CENPE: variants seen among roughly 807,000 people sequenced by gnomAD.
The protein encoded by CENPE is centromere-associated protein E.
CENPE carries 145 observed loss-of-function variants against 336.1 expected under a neutral mutation model. The ratio of observed to expected loss-of-function variants is 0.43; its 90% CI spans 0.38 to 0.50. The LOEUF (loss-of-function observed/expected upper bound fraction) is 0.50, where lower values mean the gene tolerates loss of function less well. Ranked by LOEUF, CENPE falls within the 20% of genes least tolerant of loss-of-function variation. The pLI is 0.00. For missense variants in CENPE, 2,719 were observed against 3,023.3 expected, an observed-to-expected ratio of 0.90 and a Z score of 2.36; for synonymous variants, 1,013 against 984.8, an observed-to-expected ratio of 1.03 and a Z score of -0.54.
At position 103,136,376 on chromosome 4, in the gene CENPE, T is replaced by C; in HGVS notation, c.6304-17A>G. ...CAAAAGCTCCTAAAGGAAATGAGAATTCACTCAATTTATAACAATTCATTC... is the reference window on the plus strand; with the variant it reads ...CAAAAGCTCCTAAAGGAAATGAGAACTCACTCAATTTATAACAATTCATTC... On this transcript the variant is annotated splice_polypyrimidine_tract_variant and intron_variant, in intron 39 of 48. Transcript: ENST00000265148. 1.3e-6 allele frequency: 2 copies of C among 1,531,070 alleles called. No homozygotes were observed. Among genetic ancestry groups the C allele is most frequent in the Non-Finnish European group, 1.8e-6 (2 of 1,114,824 alleles). The allele number at this position is 1,531,070 out of a possible 1,614,324, so 94.8% of individuals were successfully genotyped here. A position where few individuals can be genotyped will look rare whatever the true frequency, so the allele number is the denominator to read the frequency against.
intron 41 of CENPE, 68 bp from the exon 42 acceptor site, chr4:103,132,964 A>ATATATATATATATATATATATATATT (rs1751734584): frequency 5.4e-6 from 1 of 184,584 alleles, no homozygotes; most frequent in Non-Finnish European, 1.1e-5. Context: ...TTTTATTTAT[A>ATATATATATATATATATATATATATT]TATATATATA....
rs374820191 is a variant in CENPE, at chr4:103,138,390, G to A, written c.6264C>T (p.His2088=). The A allele has an allele frequency of 5.0e-6, 8 of 1,613,466 alleles. No homozygotes were observed. The African/African-American group carries it at 1.1e-4, about 22-fold the overall frequency. The change falls in exon 39 of 49, where the codon CAC becomes CAT. Residue 2088 remains histidine (H), a synonymous_variant. Transcript: ENST00000265148. The part of the protein sequence containing the change: ...EKRLLSDGQQ[H]LTESLREKCS... Reference sequence around the variant, plus strand: ...ACTTTTCTCTCAGGCTTTCCGTAAGGTGCTGTTGTCCATCACTTAGTAACC... The same window carrying A: ...ACTTTTCTCTCAGGCTTTCCGTAAGATGCTGTTGTCCATCACTTAGTAACC...
intron 8 of CENPE, among the ~76,000 whole-genome samples, chr4:103,190,957 A>C (rs1481495892): frequency 3.3e-5 from 5 of 151,776 alleles, no homozygotes; most frequent in African/African-American, 4.8e-5. Flanking sequence ...AAAAAAAAAA[A>C]CAAACAACCA....
Position 103,108,788 on chromosome 4 carries a change from A to G in CENPE, c.8011+15T>C, listed in dbSNP as rs1215967588. The G allele has an allele frequency of 6.2e-7, 1 of 1,603,506 alleles. No homozygotes were observed. Among genetic ancestry groups the G allele is most frequent in the East Asian group, 2.2e-5 (1 of 44,764 alleles). On this transcript the variant is annotated intron_variant, in intron 48 of 48. Transcript: ENST00000265148. ...GTTACCCTCTGATTTCCAAGTAACCAGTATATTTACTTACCTGGACAAAGG... is the reference window on the plus strand; with the variant it reads ...GTTACCCTCTGATTTCCAAGTAACCGGTATATTTACTTACCTGGACAAAGG...
chr4:103,163,131 T>A lies in CENPE; in HGVS notation c.1842+6A>T. On this transcript the variant is annotated splice_donor_region_variant and intron_variant, in intron 18 of 48. Coordinates refer to ENST00000265148, the MANE Select transcript of CENPE (RefSeq NM_001813.3). ...GATTACACAACAAAATACGCCTGAT[T>A]TTTACCAATGAGTATGACAAGTCCA... 6.2e-7 allele frequency: 1 copy of A among 1,601,608 alleles called. No individual in the cohort carries two copies. Among genetic ancestry groups the A allele is most frequent in the Non-Finnish European group, 8.5e-7 (1 of 1,175,632 alleles).
chr4:103,192,030 C>A (rs959221352), intron 8 of CENPE, among the ~76,000 whole-genome samples: 5 of 151,792 alleles, frequency 3.3e-5, no homozygotes, highest in African/African-American at 1.2e-4. Context: ...GTAAGAGAAG[C>A]AGTGAAGGGG....
intron 45 of CENPE, among the ~76,000 whole-genome samples, chr4:103,115,258 T>G (rs901194027): frequency 6.6e-6 from 1 of 151,816 alleles, no homozygotes; most frequent in African/African-American, 2.4e-5. Context: ...CTCAGCCTCC[T>G]GAGTAGCTGG....
At chr4:103,106,917 A>C (rs112540742) in intron 48 of CENPE, among the ~76,000 whole-genome samples, 47 of 152,286 alleles carry the variant, frequency 3.1e-4, no homozygotes, top group African/African-American at 1.1e-3. Flanking sequence ...ATCTCATTTA[A>C]TTCTGAATTG....
chr4:103,179,814 C>T (rs1410110712), intron 13 of CENPE, among the ~76,000 whole-genome samples: 3 of 152,160 alleles, frequency 2.0e-5, no homozygotes, highest in Admixed American at 6.5e-5. Context: ...GACACCCTCA[C>T]ACCCCAAAAA....
intron 46 of CENPE, 89 bp downstream of exon 46, chr4:103,114,366 T>A: frequency 2.7e-6 from 2 of 734,524 alleles, no homozygotes; most frequent in Non-Finnish European, 4.7e-6. Flanking sequence ...TACTCTCGAC[T>A]GTCACATACT....
rs778140635 is a variant in CENPE, at chr4:103,132,983, T to A, written c.6721-87A>T. The stretch of plus-strand genomic sequence containing the variant: ...ATTTATATATATATATATATATATA[T>A]AAAATAAAAAGAGGGCAATACCTAG... On this transcript the variant is annotated intron_variant, in intron 41 of 48. Transcript: ENST00000265148. 2.9e-4 allele frequency: 56 copies of A among 191,156 alleles called. 1 individual carries two copies. Among genetic ancestry groups the A allele is most frequent in the Middle Eastern group, 2.3e-3 (1 of 426 alleles). The allele number at this position is 191,156 out of a possible 1,614,324, so 11.8% of individuals were successfully genotyped here.
intron 32 of CENPE, 63 bp from the exon 33 acceptor site, chr4:103,144,681 T>C (rs1274765157): frequency 8.8e-7 from 1 of 1,130,612 alleles, no homozygotes; most frequent in Non-Finnish European, 1.3e-6. Context: ...GGAAGAACTG[T>C]TCCTAAAATA....
chr4:103,184,196 G>A (rs1045360888), intron 9 of CENPE, among the ~76,000 whole-genome samples: 9 of 152,180 alleles, frequency 5.9e-5, no homozygotes, highest in African/African-American at 2.2e-4. Context: ...CAGGTCTGAG[G>A]ATGGACTGGT....
At chr4:103,144,802 C>T (rs558806233) in intron 32 of CENPE, among the ~76,000 whole-genome samples, 184 bp from the exon 33 acceptor site, 1 of 152,176 alleles carries the variant, frequency 6.6e-6, no homozygotes, top group South Asian at 2.1e-4. Flanking sequence ...CCACTTTTTC[C>T]TGTAATTCAC....
rs1178933225 is a variant in CENPE, at chr4:103,154,631, T to C, written c.3034-1381A>G. Reference sequence around the variant, plus strand: ...TCATATCTTTCAAATACAAAGCAGATTGAGACAAAATTTTCTGTAATGATA... The same window carrying C: ...TCATATCTTTCAAATACAAAGCAGACTGAGACAAAATTTTCTGTAATGATA... On this transcript the variant is annotated intron_variant, in intron 24 of 48. Coordinates refer to ENST00000265148, the MANE Select transcript of CENPE (RefSeq NM_001813.3). 2.6e-5 allele frequency among the ~76,000 whole-genome samples: 4 copies of C among 152,116 alleles called. No individual in the cohort carries two copies. The East Asian group carries it at 5.8e-4, about 22-fold the overall frequency.
rs1752408627 is a variant in CENPE at position 103,140,066 on chromosome 4, T to C, written c.5927A>G (p.Gln1976Arg). The C allele has an allele frequency of 6.2e-7, 1 of 1,601,226 alleles. No homozygotes were observed. The highest frequency in any genetic ancestry group is 8.5e-7 in the Non-Finnish European group (1 of 1,175,560). Residue 1976 changes from glutamine to arginine, a missense_variant, in exon 38 of 49, where the codon CAG becomes CGG. By Grantham distance (43) the Gln-to-Arg change is conservative. Transcript: ENST00000265148. ...TCTAAGCAGTTGAAGTTCTTTTTTC[T>C]GAAGTTCTTGGATCTTGAGATAATT... ...DELQKKIQEL[Q>R]KKELQLLRVK...
intron 14 of CENPE, among the ~76,000 whole-genome samples, 170 bp from the exon 15 acceptor site, chr4:103,176,218 T>C: frequency 6.6e-6 from 1 of 152,232 alleles, no homozygotes; most frequent in East Asian, 1.9e-4. Context: ...TGGTCATTTA[T>C]GTTATTGTAT....
intron 25 of CENPE, 24 bp from the exon 26 acceptor site, chr4:103,151,401 A>G: frequency 6.7e-7 from 1 of 1,500,136 alleles, no homozygotes; most frequent in South Asian, 1.3e-5. Flanking sequence ...AAAAGTTGAG[A>G]TTAAAGTAAA....
chr4:103,179,952 T>A (rs1211963340), intron 13 of CENPE, among the ~76,000 whole-genome samples: 2 of 152,252 alleles, frequency 1.3e-5, no homozygotes, highest in African/African-American at 4.8e-5. Flanking sequence ...TATGTTGTTT[T>A]ATATTCTACA....
Sources: allele counts gnomAD v4.1 joint callset (sites outside exome capture counted in the v4.1 genomes callset), GRCh38; gene constraint gnomAD v4.1.1; transcripts MANE v1.5; gene names NCBI Gene and HGNC (gene_info 2026-07-23, HGNC 2026-07-21).